The following FBXO22 variants were observed in gnomAD, a reference collection of about 807,000 sequenced individuals.
FBXO22 encodes the protein F-box protein 22, also known as F-box only protein 22.
Under a neutral mutation model 37.2 loss-of-function variants are expected in FBXO22, and 13 were observed. That is an observed-to-expected ratio of 0.35 (90% CI 0.23 to 0.56). FBXO22 has a LOEUF of 0.56. Ranked by LOEUF, FBXO22 falls within the 20% of genes least tolerant of loss-of-function variation. The pLI is 0.87. For synonymous variants in FBXO22, 189 were observed against 189.1 expected (o/e 1.00, Z 0.00); for missense variants, 446 against 509.9 (o/e 0.87, Z 1.21).
At position 75,904,554 on chromosome 15, in the gene FBXO22, G is replaced by T. The variant is rs769518649; in HGVS notation, c.204G>T (p.Trp68Cys). The change falls in exon 2 of 7, where the codon TGG becomes TGT. Residue 68 changes from tryptophan (W) to cysteine (C), a missense_variant. Trp to Cys is a radical substitution (Grantham distance 215). This residue lies in a region of FBXO22 where 131 missense variants were observed against 99.8 expected (regional missense o/e 1.31). Coordinates refer to ENST00000308275, the MANE Select transcript of FBXO22 (RefSeq NM_147188.3). ...TGCGGACCCATCGGAGCGTAACCTG[G>T]ATCTCCGCAGGCCTGGCGGAGGCCG... ...RVLRTHRSVT[W>C]ISAGLAEAGH... The T allele has an allele frequency of 1.2e-6, 2 of 1,613,696 alleles. No homozygotes were observed. Among genetic ancestry groups the T allele is most frequent in the East Asian group, 2.2e-5 (1 of 44,834 alleles).
chr15:75,929,651 T>C (rs2141723785), intron 5 of FBXO22, among the ~76,000 whole-genome samples: 1 of 152,120 alleles, frequency 6.6e-6, no homozygotes, highest in South Asian at 2.1e-4. Context: ...GTTTTTTTAA[T>C]AGAAAAAATA....
chr15:75,928,679 C>A (rs938698161), intron 5 of FBXO22, among the ~76,000 whole-genome samples: 1 of 152,080 alleles, frequency 6.6e-6, no homozygotes, highest in Non-Finnish European at 1.5e-5. Flanking sequence ...CAACAAACCC[C>A]CATGACACAC....
intron 4 of FBXO22, 24 bp downstream of exon 4, chr15:75,914,229 G>C (rs745878527): frequency 6.6e-7 from 1 of 1,523,888 alleles, no homozygotes; most frequent in South Asian, 1.1e-5. Flanking sequence ...GCAACTTGAT[G>C]ATTTCTTCCT....
In FBXO22 at chr15:75,903,992, G is replaced by T. The variant is rs550935253; in HGVS notation, c.29G>T (p.Cys10Phe). Residue 10 changes from cysteine to phenylalanine, a missense_variant, in exon 1 of 7, where the codon TGC becomes TTC. This residue lies in a region of FBXO22 where 131 missense variants were observed against 99.8 expected (regional missense o/e 1.31). Transcript: ENST00000308275. Reference protein sequence around the residue: MEPVGCCGECRGSSVDPRST... With the variant: MEPVGCCGEFRGSSVDPRST... Reference sequence around the variant, plus strand: ...GAGCCGGTAGGCTGCTGCGGCGAGTGCCGCGGCTCCTCCGTAGACCCGCGG... The same window carrying T: ...GAGCCGGTAGGCTGCTGCGGCGAGTTCCGCGGCTCCTCCGTAGACCCGCGG... 6.3e-7 allele frequency: 1 copy of T among 1,579,402 alleles called. No homozygotes were observed. The highest frequency in any genetic ancestry group is 8.6e-7 in the Non-Finnish European group (1 of 1,162,204).
chr15:75,930,313 T>C, intron 6 of FBXO22: 1 of 1,368,660 alleles, frequency 7.3e-7, no homozygotes, highest in Non-Finnish European at 9.4e-7. Context: ...TGTTGATCTT[T>C]CCTTTGACAG....
chr15:75,907,598 G>C (rs1595910336), intron 2 of FBXO22, among the ~76,000 whole-genome samples: 1 of 151,950 alleles, frequency 6.6e-6, no homozygotes, highest in Non-Finnish European at 1.5e-5. Flanking sequence ...TTTTCTATTA[G>C]AAATATTTTA....
intron 5 of FBXO22, among the ~76,000 whole-genome samples, chr15:75,927,154 C>G (rs1900462379): frequency 6.6e-6 from 1 of 152,162 alleles, no homozygotes; most frequent in African/African-American, 2.4e-5. Context: ...GTATAATGCT[C>G]TGACACAGGG....
intron 6 of FBXO22, among the ~76,000 whole-genome samples, chr15:75,931,117 A>G (rs1210221289): frequency 1.3e-5 from 2 of 152,100 alleles, no homozygotes; most frequent in South Asian, 2.1e-4. Flanking sequence ...TGTCTTTGCT[A>G]TTAACTTAAA....
chr15:75,934,404 T>C lies in FBXO22; in HGVS notation c.*1302T>C, dbSNP rs1284524174. ...AGAGAAATTAGCATATTCCATCTAA[T>C]ACAGTATGATGTAACTAATGTTACT... On this transcript the variant is annotated 3_prime_UTR_variant, in exon 7 of 7. Coordinates refer to ENST00000308275, the MANE Select transcript of FBXO22 (RefSeq NM_147188.3). 1.3e-5 allele frequency: 2 copies of C among 152,234 alleles called. No homozygotes were observed. Among genetic ancestry groups the C allele is most frequent in the Non-Finnish European group, 2.9e-5 (2 of 68,046 alleles). The allele number at this position is 152,234 out of a possible 1,614,324, so 9.4% of individuals were successfully genotyped here.
At chr15:75,930,935 G>C in intron 6 of FBXO22, 1 of 875,966 alleles carries the variant, frequency 1.1e-6, no homozygotes, top group Non-Finnish European at 1.4e-6. Flanking sequence ...CTATGAGCTA[G>C]ATCTGGGAAA....
chr15:75,913,469 G>C (rs1900114741), intron 3 of FBXO22, among the ~76,000 whole-genome samples, 179 bp downstream of exon 3: 2 of 152,100 alleles, frequency 1.3e-5, no homozygotes, highest in Non-Finnish European at 1.5e-5. Flanking sequence ...GCTTCAGATT[G>C]ATTTCTAAAC....
chr15:75,912,428 T>C (rs1003749855), intron 2 of FBXO22, among the ~76,000 whole-genome samples: 13 of 152,194 alleles, frequency 8.5e-5, no homozygotes, highest in African/African-American at 3.1e-4. Flanking sequence ...AGGCTATTAA[T>C]TACTGCCTCA....
At chr15:75,923,317 C>T (rs1471815951) in intron 5 of FBXO22, among the ~76,000 whole-genome samples, 6 of 152,184 alleles carry the variant, frequency 3.9e-5, no homozygotes, top group Non-Finnish European at 5.9e-5. Flanking sequence ...AATTATTGTG[C>T]TCTGTGAAGC....
intron 2 of FBXO22, among the ~76,000 whole-genome samples, chr15:75,907,796 G>T (rs964415873): frequency 5.3e-5 from 8 of 151,874 alleles, no homozygotes; most frequent in African/African-American, 1.9e-4. Context: ...TACAAAAGTT[G>T]GCTGGGCATG....
intron 5 of FBXO22, among the ~76,000 whole-genome samples, chr15:75,918,337 T>TAAA (rs1191244156): frequency 6.6e-6 from 1 of 150,690 alleles, no homozygotes; most frequent in African/African-American, 2.4e-5. Flanking sequence ...AAAAAAAAAC[T>TAAA]TGCAAGTCAT....
At position 75,934,796 on chromosome 15, in the gene FBXO22, T is replaced by G. The variant is rs1261687085; in HGVS notation, c.*1694T>G. ...GGCAAATATTTTTTAAACTTTATTG[T>G]CCCTGATATTAACCAGAATTGGTTG... On this transcript the variant is annotated 3_prime_UTR_variant, in exon 7 of 7. Coordinates refer to ENST00000308275, the MANE Select transcript of FBXO22 (RefSeq NM_147188.3). 1.3e-5 allele frequency: 2 copies of G among 152,224 alleles called. No individual in the cohort carries two copies. Among genetic ancestry groups the G allele is most frequent in the African/African-American group, 4.8e-5 (2 of 41,460 alleles). The allele number at this position is 152,224 out of a possible 1,614,324, so 9.4% of individuals were successfully genotyped here. A position where few individuals can be genotyped will look rare whatever the true frequency, so the allele number is the denominator to read the frequency against.
chr15:75,917,999 G>A (rs566748197), intron 5 of FBXO22, among the ~76,000 whole-genome samples: 46 of 152,188 alleles, frequency 3.0e-4, no homozygotes, highest in Non-Finnish European at 5.6e-4. Context: ...GGATGGGAAA[G>A]CTTAACTTAA....
chr15:75,904,079 C>T lies in FBXO22; in HGVS notation c.116C>T (p.Ala39Val). ...VVERVLTFLP[A>V]KALLRVACVC... ...GAGCGTGTGCTCACCTTCCTGCCCG[C>T]CAAGGCGTTGCTGCGGGTGGCCTGG... Residue 39 changes from alanine to valine, a missense_variant, in exon 1 of 7, where the codon GCC (alanine) becomes GTC (valine). Ala to Val is a moderately conservative substitution (Grantham distance 64). This residue lies in a region of FBXO22 where 131 missense variants were observed against 99.8 expected (regional missense o/e 1.31). Coordinates refer to ENST00000308275, the MANE Select transcript of FBXO22 (RefSeq NM_147188.3). The T allele has an allele frequency of 6.5e-7, 1 of 1,548,632 alleles. No homozygotes were observed. Among genetic ancestry groups the T allele is most frequent in the East Asian group, 2.4e-5 (1 of 41,236 alleles).
chr15:75,912,230 CTTTT>C (rs1189765265), intron 2 of FBXO22, among the ~76,000 whole-genome samples: 7 of 151,868 alleles, frequency 4.6e-5, no homozygotes, highest in Non-Finnish European at 8.8e-5. Flanking sequence ...CTGAAATTTT[CTTTT>C]TTTATTGTGT....
Sources: gnomAD v4.1 joint callset for allele counts (sites outside exome capture counted in the v4.1 genomes callset) on GRCh38, gnomAD v4.1.1 for gene constraint, gnomAD v4.1.1 regional missense constraint, MANE v1.5 for transcripts, NCBI Gene and HGNC (gene_info 2026-07-23, HGNC 2026-07-21) for gene names.